Variants in ESRRG observed in about 807,000 individuals in gnomAD.
ESRRG encodes estrogen-related receptor gamma.
A neutral mutation model predicts 44.0 loss-of-function variants in ESRRG; 13 were observed. The ratio of observed to expected loss-of-function variants is 0.30; its 90% CI spans 0.19 to 0.47. The LOEUF is 0.47. Ranked by LOEUF, ESRRG falls within the 20% of genes least tolerant of loss-of-function variation. The pLI is 1.00. For missense variants in ESRRG, 395 were observed against 580.6 expected, an observed-to-expected ratio of 0.68 and a Z score of 3.29; for synonymous variants, 215 against 214.6, an observed-to-expected ratio of 1.00 and a Z score of -0.02.
At chr1:216,510,494 C>A (rs2042393241) in intron 6 of ESRRG, among the ~76,000 whole-genome samples, 1 of 152,082 alleles carries the variant, frequency 6.6e-6, no homozygotes, top group South Asian at 2.1e-4. Context: ...ATCATCCTTG[C>A]AGCTGCAAAT....
At chr1:216,991,141 T>C (rs939765290) in intron 1 of ESRRG, among the ~76,000 whole-genome samples, 22 of 152,130 alleles carry the variant, frequency 1.4e-4, no homozygotes, top group Middle Eastern at 3.4e-3. Flanking sequence ...CTTATGAGAA[T>C]TGAAGTAATG....
intron 5 of ESRRG, among the ~76,000 whole-genome samples, chr1:216,535,510 C>T (rs1039116952): frequency 6.6e-6 from 1 of 152,094 alleles, no homozygotes; most frequent in Non-Finnish European, 1.5e-5. Context: ...TATAAATACC[C>T]TTGACCTACT....
rs2062623044 is a variant in ESRRG at position 216,623,298 on chromosome 1, G to A, written c.589+27675C>T. ...GGGTTTCACCATGTTAGCCAGGATGGTCTCGATCTCCTGACCTAAACTCTA... is the reference window on the plus strand; with the variant it reads ...GGGTTTCACCATGTTAGCCAGGATGATCTCGATCTCCTGACCTAAACTCTA... On this transcript the variant is annotated intron_variant, in intron 3 of 6. Transcript: ENST00000408911. Among the ~76,000 whole-genome samples the A allele has an allele frequency of 2.0e-5, 3 of 151,942 alleles. No homozygotes were observed. In the South Asian group the frequency reaches 6.2e-4, roughly 32 times the overall value.
intron 2 of ESRRG, among the ~76,000 whole-genome samples, chr1:216,788,514 C>T (rs533123811): frequency 2.4e-4 from 37 of 152,226 alleles, no homozygotes; most frequent in African/African-American, 7.9e-4. Flanking sequence ...CAAAATATTA[C>T]TGCCAATTGA....
rs559269619 is a variant in ESRRG at position 216,626,932 on chromosome 1, C to A, written c.589+24041G>T. 8.3e-4 allele frequency among the ~76,000 whole-genome samples: 127 copies of A among 152,262 alleles called. 2 individuals carry two copies. Among genetic ancestry groups the A allele is most frequent in the African/African-American group, 2.8e-3 (117 of 41,566 alleles). Reference sequence around the variant, plus strand: ...TTCCATGGAGCTAAGGTTTATTTTTCTCTATCTTTGTGCCCAGGGCTCTGC... The same window carrying A: ...TTCCATGGAGCTAAGGTTTATTTTTATCTATCTTTGTGCCCAGGGCTCTGC... On this transcript the variant is annotated intron_variant, in intron 3 of 6. Transcript: ENST00000408911.
intron 3 of ESRRG, among the ~76,000 whole-genome samples, chr1:216,576,147 G>C (rs1032128234): frequency 6.6e-6 from 1 of 152,014 alleles, no homozygotes; most frequent in Admixed American, 6.6e-5. Flanking sequence ...CAGTTCAGGA[G>C]GGAGTCCCAC....
At chr1:216,555,653 G>GT (rs2057391772) in intron 5 of ESRRG, among the ~76,000 whole-genome samples, 1 of 151,970 alleles carries the variant, frequency 6.6e-6, no homozygotes, top group Non-Finnish European at 1.5e-5. Context: ...GATGCCTGAT[G>GT]TCTCCAGCTG....
chr1:216,969,294 A>G (rs1287961467), intron 1 of ESRRG, among the ~76,000 whole-genome samples: 1 of 152,224 alleles, frequency 6.6e-6, no homozygotes, highest in Non-Finnish European at 1.5e-5. Flanking sequence ...GAGGAGAGAT[A>G]TTCTTTAAGT....
Position 217,105,501 on chromosome 1 carries a change from C to T in ESRRG, c.-230+32166G>A, listed in dbSNP as rs114758508. On this transcript the variant is annotated intron_variant, in intron 1 of 8. Coordinates refer to the ESRRG transcript ENST00000366940. Reference sequence around the variant, plus strand: ...CTCCCCAGCCTTAGTCAGAATGGTCCGAGTGCTCAAACCTGGCTCCTGAAT... The same window carrying T: ...CTCCCCAGCCTTAGTCAGAATGGTCTGAGTGCTCAAACCTGGCTCCTGAAT... Among the ~76,000 whole-genome samples, 1,255 of 152,176 alleles carry T rather than the reference C, an allele frequency of 8.2e-3. 11 individuals are homozygous for T. Among genetic ancestry groups the T allele is most frequent in the Middle Eastern group, 0.031 (9 of 294 alleles).
intron 1 of ESRRG, among the ~76,000 whole-genome samples, chr1:217,052,263 C>G (rs907794088): frequency 1.6e-4 from 24 of 152,312 alleles, no homozygotes; most frequent in African/African-American, 5.5e-4. Flanking sequence ...GTCACTGCAA[C>G]TTCAGCAGAA....
At chr1:217,018,905 C>T (rs1272632292) in intron 1 of ESRRG, among the ~76,000 whole-genome samples, 1 of 152,174 alleles carries the variant, frequency 6.6e-6, no homozygotes, top group East Asian at 1.9e-4. Flanking sequence ...TACTCCTCTT[C>T]CCAGACTCTT....
chr1:216,815,997 G>T (rs990116035), intron 2 of ESRRG, among the ~76,000 whole-genome samples: 1 of 152,132 alleles, frequency 6.6e-6, no homozygotes, highest in African/African-American at 2.4e-5. Flanking sequence ...ATACCAAATG[G>T]CTCACATGCA....
chr1:216,804,103 G>A (rs1399889520), intron 2 of ESRRG, among the ~76,000 whole-genome samples: 1 of 151,978 alleles, frequency 6.6e-6, no homozygotes, highest in Non-Finnish European at 1.5e-5. Context: ...CCCTTGATCT[G>A]TTTCTGCACT....
intron 2 of ESRRG, among the ~76,000 whole-genome samples, chr1:216,667,672 C>T (rs1188113236): frequency 1.9e-5 from 2 of 102,748 alleles, no homozygotes; most frequent in African/African-American, 4.2e-5. Context: ...GGTGACAGAG[C>T]GAGACTCCAT....
At chr1:216,586,720 C>T (rs557236959) in intron 3 of ESRRG, among the ~76,000 whole-genome samples, 24 of 148,942 alleles carry the variant, frequency 1.6e-4, no homozygotes, top group African/African-American at 5.2e-4. Context: ...GGACTACAGG[C>T]GCCCACCACC....
intron 2 of ESRRG, among the ~76,000 whole-genome samples, chr1:216,818,647 A>T (rs1034262734): frequency 6.6e-6 from 1 of 150,820 alleles, no homozygotes; most frequent in Admixed American, 6.6e-5. Context: ...CATGTGCAGG[A>T]TATGCAGGTT....
intron 2 of ESRRG, among the ~76,000 whole-genome samples, chr1:216,936,196 C>G (rs553501861): frequency 3.5e-4 from 53 of 152,082 alleles, no homozygotes; most frequent in African/African-American, 1.2e-3. Flanking sequence ...CAACAAAGAA[C>G]AAATATATAT....
rs145784168 is a variant in ESRRG at position 216,949,809 on chromosome 1, T to C, written c.-105-10136A>G. ...TAGGGAGGGGAAAGAACTGACTTTT[T>C]CCAAACTTTTTTTTTTTTTTTCTGA... On this transcript the variant is annotated intron_variant, in intron 1 of 7. Coordinates refer to the ESRRG transcript ENST00000359162. Among the ~76,000 whole-genome samples, 576 of 151,522 alleles carry C rather than the reference T, an allele frequency of 3.8e-3. 3 individuals are homozygous for C. The highest frequency in any genetic ancestry group is 6.4e-3 in the Non-Finnish European group (434 of 67,946).
chr1:216,933,738 T>A (rs1319842306), intron 2 of ESRRG, among the ~76,000 whole-genome samples: 1 of 152,190 alleles, frequency 6.6e-6, no homozygotes, highest in East Asian at 1.9e-4. Flanking sequence ...TATAACTGGA[T>A]CACAAAATTC....
Sources: allele counts gnomAD v4.1 joint callset (sites outside exome capture counted in the v4.1 genomes callset), GRCh38; gene constraint gnomAD v4.1.1; transcripts MANE v1.5; gene names NCBI Gene and HGNC (gene_info 2026-07-23, HGNC 2026-07-21).